C4orf50: variants seen among roughly 807,000 people sequenced by gnomAD.
C4orf50 encodes the protein uncharacterized protein C4orf50.
C4orf50 carries 80 observed loss-of-function variants against 77.2 expected under a neutral mutation model. That is an observed-to-expected ratio of 1.04 (90% CI 0.87 to 1.25). The LOEUF is 1.25. Ranked by LOEUF, C4orf50 falls within the 50% of genes most tolerant of loss-of-function variation. The pLI is 0.00. For missense variants in C4orf50, 1,257 were observed against 1,152.9 expected (o/e 1.09, Z -1.31); for synonymous variants, 532 against 465.3 (o/e 1.14, Z -1.84).
chr4:5,897,967 G>A (rs540848230), exon 8 of C4orf50: 1 of 152,254 alleles, frequency 6.6e-6, no homozygotes, highest in Non-Finnish European at 1.5e-5. Context: ...GGCAGGACTT[G>A]GCCTGCCAAC....
At chr4:5,943,994 G>A (rs971985673) in intron 7 of C4orf50, among the ~76,000 whole-genome samples, 1 of 152,166 alleles carries the variant, frequency 6.6e-6, no homozygotes, top group Non-Finnish European at 1.5e-5. Flanking sequence ...TGTTACAGCT[G>A]GGCAGTCCCA....
intron 7 of C4orf50, among the ~76,000 whole-genome samples, chr4:5,949,970 C>T (rs10000138): frequency 0.42 from 53,474 of 126,824 alleles, 10,388 homozygotes; most frequent in African/African-American, 0.51. Context: ...GCCTGGGCAA[C>T]AAGAGTGAAA....
intron 7 of C4orf50, among the ~76,000 whole-genome samples, chr4:5,934,907 GT>G (rs1717940624): frequency 6.6e-6 from 1 of 152,078 alleles, no homozygotes; most frequent in African/African-American, 2.4e-5. Context: ...AACTGCCTGG[GT>G]TCAAATCCCA....
intron 29 of C4orf50, among the ~76,000 whole-genome samples, chr4:5,976,345 A>G (rs979624161): frequency 6.6e-6 from 1 of 151,398 alleles, no homozygotes; most frequent in Admixed American, 6.6e-5. Flanking sequence ...AGTCCCAGCT[A>G]CTCAGGAGGC....
rs960088751 is a variant in C4orf50 at position 5,901,469 on chromosome 4, G to T, written c.*2475-3281C>A. ...ACCCAGATTGCAGCCTAGCTATTCT[G>T]GTCTTAAACCCTAACCTGTTTCTCC... On this transcript the variant is annotated intron_variant, in intron 7 of 7. Transcript: ENST00000324058. The surrounding 1 kb of genome is among the most constrained non-coding windows in gnomAD (Gnocchi z 4.4). The T allele has an allele frequency of 2.0e-5, 3 of 152,126 alleles. No individual in the cohort carries two copies. Among genetic ancestry groups the T allele is most frequent in the African/African-American group, 4.8e-5 (2 of 41,416 alleles). 9.4% of individuals were successfully genotyped at this position (152,126 alleles called of 1,614,324 possible).
chr4:5,943,978 C>T (rs1718377412), intron 7 of C4orf50, among the ~76,000 whole-genome samples: 1 of 152,202 alleles, frequency 6.6e-6, no homozygotes, highest in Non-Finnish European at 1.5e-5. Flanking sequence ...CCTTGCTTAC[C>T]TGTCATGTTA....
chr4:5,936,159 G>T (rs2108748035), intron 7 of C4orf50, among the ~76,000 whole-genome samples: 1 of 151,960 alleles, frequency 6.6e-6, no homozygotes, highest in Admixed American at 6.5e-5. Flanking sequence ...AGATCACACG[G>T]CCTGGATTTA....
intron 28 of C4orf50, among the ~76,000 whole-genome samples, chr4:5,986,758 C>T (rs557034732): frequency 3.3e-5 from 5 of 152,080 alleles, no homozygotes; most frequent in South Asian, 2.1e-4. Context: ...AGGCAGGTCT[C>T]GAACTCCTGA....
chr4:5,999,332 G>A (rs1476465162), intron 25 of C4orf50, among the ~76,000 whole-genome samples: 1 of 152,130 alleles, frequency 6.6e-6, no homozygotes, highest in Admixed American at 6.5e-5. Flanking sequence ...GTTCTCCTCT[G>A]CAAAATGAGA....
chr4:5,965,543 G>A (rs1016031021), intron 32 of C4orf50, among the ~76,000 whole-genome samples: 1 of 152,252 alleles, frequency 6.6e-6, no homozygotes, highest in African/African-American at 2.4e-5. Context: ...TCGGTCTAGC[G>A]CGTTTCCTTC....
At position 5,919,492 on chromosome 4, in the gene C4orf50, T is replaced by C. The variant is rs6838804; in HGVS notation, c.*2475-21304A>G. 0.89 allele frequency among the ~76,000 whole-genome samples: 135,601 copies of C among 152,156 alleles called. 60,518 individuals carry two copies. Among genetic ancestry groups the C allele is most frequent in the Middle Eastern group, 0.94 (276 of 294 alleles). On this transcript the variant is annotated intron_variant, in intron 7 of 7. Coordinates refer to the C4orf50 transcript ENST00000324058. This position sits in a 1 kb window ranked among gnomAD's most constrained non-coding sequence, Gnocchi z 6.5. ...CATGCCTCAGCAGCCCCACAGAGAC[T>C]GTGCAGGAGGCCATGTCGAGGACGT...
intron 7 of C4orf50, among the ~76,000 whole-genome samples, chr4:5,935,525 T>C (rs1717968871): frequency 6.6e-6 from 1 of 152,052 alleles, no homozygotes; most frequent in African/African-American, 2.4e-5. Flanking sequence ...TGGTGGCTCA[T>C]GACTGTGATC....
At chr4:5,943,645 A>C (rs1487784010) in intron 7 of C4orf50, among the ~76,000 whole-genome samples, 1 of 152,216 alleles carries the variant, frequency 6.6e-6, no homozygotes, top group Non-Finnish European at 1.5e-5. Context: ...GACGCTTTAC[A>C]AACTGTGAAT....
chr4:5,907,154 T>C (rs1251397811), intron 7 of C4orf50, among the ~76,000 whole-genome samples: 1 of 152,212 alleles, frequency 6.6e-6, no homozygotes, highest in Non-Finnish European at 1.5e-5. Flanking sequence ...AAGCTTGTAG[T>C]AACTGTCACT....
intron 7 of C4orf50, among the ~76,000 whole-genome samples, chr4:5,942,512 A>G (rs1577913837): frequency 1.3e-5 from 2 of 152,242 alleles, no homozygotes; most frequent in East Asian, 3.8e-4. Flanking sequence ...CAAAGTAAGT[A>G]GTGGGGATGA....
At position 6,007,473 on chromosome 4, in the gene C4orf50, C is replaced by A. The variant is rs1004594453; in HGVS notation, c.963+523G>T. The stretch of plus-strand genomic sequence containing the variant: ...CCAGGAAGCAGGCCCTCCCCCAACA[C>A]CAAATCTGCTGGTGCCTTGATCTTG... On this transcript the variant is annotated intron_variant, in intron 25 of 33. Transcript: ENST00000531445. The surrounding 1 kb of genome is among the most constrained non-coding windows in gnomAD (Gnocchi z 4.1). Among the ~76,000 whole-genome samples the A allele has an allele frequency of 2.6e-5, 4 of 152,168 alleles. No individual in the cohort carries two copies. The highest frequency in any genetic ancestry group is 4.4e-5 in the Non-Finnish European group (3 of 68,036).
At chr4:5,931,790 C>G (rs1478966002) in intron 7 of C4orf50, among the ~76,000 whole-genome samples, 1 of 152,122 alleles carries the variant, frequency 6.6e-6, no homozygotes. Flanking sequence ...CCCCGTGGAT[C>G]CAGGCTCTCC....
At chr4:5,976,519 C>T (rs1720298482) in intron 29 of C4orf50, among the ~76,000 whole-genome samples, 1 of 151,478 alleles carries the variant, frequency 6.6e-6, no homozygotes, top group Middle Eastern at 3.4e-3. Context: ...CTGGGGCCAG[C>T]TCCAAGCCCT....
chr4:5,953,172 T>C (rs1359048231), downstream of C4orf50, among the ~76,000 whole-genome samples: 1 of 152,158 alleles, frequency 6.6e-6, no homozygotes. Context: ...TACTGTGGCA[T>C]GGAGCGGGCC....
Sources: allele counts gnomAD v4.1 joint callset (sites outside exome capture counted in the v4.1 genomes callset), GRCh38; gene constraint gnomAD v4.1.1; non-coding constraint Gnocchi (gnomAD v3.1); transcripts MANE v1.5; gene names NCBI Gene and HGNC (gene_info 2026-07-23, HGNC 2026-07-21).